The following KCNIP4 variants were observed in gnomAD, a reference collection of about 807,000 sequenced individuals.
KCNIP4 encodes the protein Kv channel-interacting protein 4.
A neutral mutation model predicts 34.0 loss-of-function variants in KCNIP4; 12 were observed. That is an observed-to-expected ratio of 0.35 (90% CI 0.23 to 0.57). KCNIP4 has a LOEUF of 0.57. Among genes scored for constraint, KCNIP4 ranks in the 20% least tolerant of loss-of-function variants. The pLI is 0.83. For synonymous variants in KCNIP4, 124 were observed against 102.2 expected (o/e 1.21, Z -1.29); for missense variants, 238 against 311.7 (o/e 0.76, Z 1.78).
chr4:20,897,473 T>C (rs1413923929), intron 1 of KCNIP4, among the ~76,000 whole-genome samples: 1 of 152,150 alleles, frequency 6.6e-6, no homozygotes, highest in Non-Finnish European at 1.5e-5. Flanking sequence ...ACCCCATAGG[T>C]TGGCTAATGT....
chr4:21,321,324 G>C (rs1714391652), intron 1 of KCNIP4, among the ~76,000 whole-genome samples: 1 of 152,050 alleles, frequency 6.6e-6, no homozygotes, highest in Non-Finnish European at 1.5e-5. Flanking sequence ...AAAAAGATGA[G>C]TAGGGAAAAG....
intron 1 of KCNIP4, among the ~76,000 whole-genome samples, chr4:21,693,081 C>T (rs1451227795): frequency 4.6e-5 from 7 of 151,890 alleles, no homozygotes; most frequent in Non-Finnish European, 7.4e-5. Flanking sequence ...TTGTTCAAGT[C>T]TCCGATTTTG....
At chr4:21,159,135 A>G (rs1247798488) in intron 1 of KCNIP4, among the ~76,000 whole-genome samples, 2 of 152,314 alleles carry the variant, frequency 1.3e-5, no homozygotes, top group South Asian at 4.1e-4. Flanking sequence ...AATCCAATGA[A>G]TCTAGACTAG....
At chr4:20,758,911 G>C in intron 3 of KCNIP4, 21 bp from the exon 4 acceptor site, 1 of 1,600,328 alleles carries the variant, frequency 6.2e-7, no homozygotes, top group Non-Finnish European at 8.6e-7. Flanking sequence ...TGGCAGAGAA[G>C]CAATATGAGC....
chr4:21,092,636 G>A (rs1393691815), intron 1 of KCNIP4, among the ~76,000 whole-genome samples: 1 of 150,464 alleles, frequency 6.6e-6, no homozygotes, highest in African/African-American at 2.4e-5. Flanking sequence ...TCCTTCATAA[G>A]GGTAGAGAGC....
chr4:21,391,597 A>T (rs1278429630), intron 1 of KCNIP4, among the ~76,000 whole-genome samples: 1 of 152,116 alleles, frequency 6.6e-6, no homozygotes, highest in Non-Finnish European at 1.5e-5. Flanking sequence ...CCCATACTTG[A>T]TATGCTCCAC....
intron 1 of KCNIP4, among the ~76,000 whole-genome samples, chr4:21,420,373 T>C (rs978113659): frequency 3.3e-5 from 5 of 152,200 alleles, no homozygotes; most frequent in African/African-American, 4.8e-5. Flanking sequence ...AATAGCTGCC[T>C]ACAGGGTTTT....
chr4:20,898,372 C>T (rs1726786221), intron 1 of KCNIP4, among the ~76,000 whole-genome samples: 1 of 152,086 alleles, frequency 6.6e-6, no homozygotes, highest in Admixed American at 6.6e-5. Flanking sequence ...GACAACATAG[C>T]CCTAGCAAAC....
chr4:21,462,765 T>TTGTG (rs57124779), intron 1 of KCNIP4, among the ~76,000 whole-genome samples: 2,301 of 145,730 alleles, frequency 0.016, 21 homozygotes, highest in Middle Eastern at 0.032. Flanking sequence ...TAGTATTCCA[T>TTGTG]TGTGTGTGTG....
intron 1 of KCNIP4, among the ~76,000 whole-genome samples, chr4:21,826,082 C>T (rs1029334744): frequency 2.0e-5 from 3 of 152,064 alleles, no homozygotes; most frequent in Non-Finnish European, 4.4e-5. Flanking sequence ...TGGCTGATAC[C>T]TAGCGAGCCA....
intron 3 of KCNIP4, among the ~76,000 whole-genome samples, chr4:20,813,895 A>G (rs1716068645): frequency 6.6e-6 from 1 of 152,166 alleles, no homozygotes; most frequent in South Asian, 2.1e-4. Context: ...CAGCCAGCAC[A>G]TGCTTTTTTA....
intron 1 of KCNIP4, among the ~76,000 whole-genome samples, chr4:21,367,380 T>C (rs1244935336): frequency 6.6e-6 from 1 of 152,168 alleles, no homozygotes; most frequent in Admixed American, 6.5e-5. Flanking sequence ...TTCTATCTTG[T>C]TGTATGCTGC....
At chr4:21,158,037 T>A (rs1168337644) in intron 1 of KCNIP4, among the ~76,000 whole-genome samples, 3 of 151,248 alleles carry the variant, frequency 2.0e-5, no homozygotes, top group Non-Finnish European at 4.4e-5. Context: ...ATAGAAACAT[T>A]GTGAAAAAAA....
chr4:21,074,880 T>G (rs1215943690), intron 1 of KCNIP4, among the ~76,000 whole-genome samples: 3 of 152,212 alleles, frequency 2.0e-5, no homozygotes, highest in Non-Finnish European at 2.9e-5. Flanking sequence ...TATTTCTGCC[T>G]TCATTTCGTT....
intron 1 of KCNIP4, chr4:21,847,340 A>G (rs1166079019): frequency 1.3e-5 from 2 of 152,102 alleles, no homozygotes; most frequent in East Asian, 1.9e-4. Flanking sequence ...AATGCCCCCA[A>G]GCATACGTGG....
intron 1 of KCNIP4, among the ~76,000 whole-genome samples, chr4:21,490,411 C>T (rs1483095361): frequency 6.6e-6 from 1 of 152,042 alleles, no homozygotes; most frequent in Admixed American, 6.6e-5. Flanking sequence ...CCCATTGCAT[C>T]CTCGACCCCA....
intron 1 of KCNIP4, among the ~76,000 whole-genome samples, chr4:21,249,779 A>G (rs1760551718): frequency 6.6e-6 from 1 of 152,158 alleles, no homozygotes; most frequent in Non-Finnish European, 1.5e-5. Flanking sequence ...GGTGCTCCAA[A>G]AGGTAACAAT....
rs1404954245 is a variant in KCNIP4, at chr4:20,729,528, T to TAA, written c.*553_*554insTT. The TAA allele has an allele frequency of 7.9e-5, 11 of 139,480 alleles. No individual in the cohort carries two copies. Among genetic ancestry groups the TAA allele is most frequent in the Non-Finnish European group, 9.7e-5 (6 of 61,994 alleles). The allele number at this position is 139,480 out of a possible 1,614,324, so 8.6% of individuals were successfully genotyped here. On this transcript the variant is annotated 3_prime_UTR_variant, in exon 9 of 9. Transcript: ENST00000382152. ...TTTAAAAATGCCAGATAAAACTAATTTCTAACAGAAGGTGGGAAGGCCATA... is the reference window on the plus strand; with the variant it reads ...TTTAAAAATGCCAGATAAAACTAATTAATCTAACAGAAGGTGGGAAGGCCATA...
intron 1 of KCNIP4, among the ~76,000 whole-genome samples, chr4:20,981,532 G>A (rs1304728812): frequency 6.6e-6 from 1 of 152,220 alleles, no homozygotes; most frequent in Non-Finnish European, 1.5e-5. Flanking sequence ...AAAGCACTGT[G>A]TAGGATTCAG....
Sources: gnomAD v4.1 joint callset for allele counts (sites outside exome capture counted in the v4.1 genomes callset) on GRCh38, gnomAD v4.1.1 for gene constraint, MANE v1.5 for transcripts, NCBI Gene and HGNC (gene_info 2026-07-23, HGNC 2026-07-21) for gene names.